Variants in B3GALT5 observed in about 807,000 individuals in gnomAD.
The protein encoded by B3GALT5 is UDP-Gal:betaGlcNAc beta 1,3-galactosyltransferase, polypeptide 5.
For synonymous variants in B3GALT5, 156 were observed against 158.6 expected, an observed-to-expected ratio of 0.98 and a Z score of 0.12; for missense variants, 328 against 396.6, an observed-to-expected ratio of 0.83 and a Z score of 1.47.
chr21:39,660,586 G>A lies in B3GALT5; in HGVS notation c.27G>A (p.Met9Ile), dbSNP rs199571077. 33 of 1,433,336 alleles carry A rather than the reference G, an allele frequency of 2.3e-5. No homozygotes were observed. In the South Asian group the frequency reaches 3.1e-4, roughly 14 times the overall value. 88.8% of individuals were successfully genotyped at this position (1,433,336 alleles called of 1,614,324 possible). A position where few individuals can be genotyped will look rare whatever the true frequency, so the allele number is the denominator to read the frequency against. The change falls in exon 4 of 4, where the codon ATG becomes ATA. Residue 9 changes from methionine (M) to isoleucine (I), a missense_variant. By Grantham distance (10) the Met-to-Ile change is conservative. Coordinates refer to ENST00000684187, the MANE Select transcript of B3GALT5 (RefSeq NM_001356336.2). The stretch of plus-strand genomic sequence containing the variant: ...TGGCTTTCCCGAAGATGAGATTGAT[G>A]TATATTTGCCTTCTGGTTCTGGGGG... MAFPKMRL[M>I]YICLLVLGAL...
intron 2 of B3GALT5, among the ~76,000 whole-genome samples, chr21:39,655,104 C>T (rs2079429748): frequency 6.6e-6 from 1 of 152,172 alleles, no homozygotes; most frequent in Non-Finnish European, 1.5e-5. Context: ...AAGTTGGAGA[C>T]CCATGAGAGT....
At chr21:39,652,287 C>T (rs768144599) in intron 2 of B3GALT5, among the ~76,000 whole-genome samples, 2 of 152,220 alleles carry the variant, frequency 1.3e-5, no homozygotes, top group Non-Finnish European at 2.9e-5. Flanking sequence ...GGAAAGTGTA[C>T]ACCCTGTTTG....
chr21:39,658,371 G>A (rs181844149), intron 2 of B3GALT5, among the ~76,000 whole-genome samples: 2 of 152,206 alleles, frequency 1.3e-5, no homozygotes, highest in African/African-American at 4.8e-5. Context: ...CTGAGGAGAG[G>A]CACATCAGAG....
chr21:39,639,692 C>G (rs1284503855), intron 1 of B3GALT5, among the ~76,000 whole-genome samples: 1 of 151,744 alleles, frequency 6.6e-6, no homozygotes, highest in Non-Finnish European at 1.5e-5. Flanking sequence ...ATTGGTCAGG[C>G]TGGTCTTGAA....
chr21:39,623,772 A>G (rs572220540), intron 1 of B3GALT5, among the ~76,000 whole-genome samples: 1 of 152,248 alleles, frequency 6.6e-6, no homozygotes, highest in Non-Finnish European at 1.5e-5. Flanking sequence ...GATGTGGAAG[A>G]TAGGTTTATC....
chr21:39,659,802 C>T lies in B3GALT5; in HGVS notation c.-111C>T, dbSNP rs2079492169. 4 of 984,802 alleles carry T rather than the reference C, an allele frequency of 4.1e-6. No individual in the cohort carries two copies. In the South Asian group the frequency reaches 1.4e-4, roughly 35 times the overall value. The allele number at this position is 984,802 out of a possible 1,614,324, so 61.0% of individuals were successfully genotyped here. A position where few individuals can be genotyped will look rare whatever the true frequency, so the allele number is the denominator to read the frequency against. ...TTGGTAAACAAACCAAGCCCAGAAC[C>T]TGATAATTATGGAGCATTCTACACT... On this transcript the variant is annotated 5_prime_UTR_variant, in exon 3 of 4. Transcript: ENST00000684187.
intron 1 of B3GALT5, among the ~76,000 whole-genome samples, chr21:39,628,461 G>A (rs549576659): frequency 6.6e-6 from 1 of 152,160 alleles, no homozygotes; most frequent in African/African-American, 2.4e-5. Flanking sequence ...GTGTGCACAC[G>A]TTTTAGCACC....
At chr21:39,636,695 T>C (rs1182691936) in intron 1 of B3GALT5, among the ~76,000 whole-genome samples, 2 of 152,040 alleles carry the variant, frequency 1.3e-5, no homozygotes, top group African/African-American at 4.8e-5. Flanking sequence ...CTGTACAGGA[T>C]TGCAGGATCC....
chr21:39,633,844 G>A (rs1320362431), intron 1 of B3GALT5, among the ~76,000 whole-genome samples: 2 of 152,210 alleles, frequency 1.3e-5, no homozygotes, highest in African/African-American at 4.8e-5. Flanking sequence ...TCATTATTGA[G>A]TAACTTATTT....
intron 2 of B3GALT5, chr21:39,657,911 C>A: frequency 8.1e-7 from 1 of 1,231,508 alleles, no homozygotes; most frequent in Non-Finnish European, 1.0e-6. Flanking sequence ...TTCTGTAGCA[C>A]AGATAGTGCC....
intron 1 of B3GALT5, among the ~76,000 whole-genome samples, chr21:39,639,347 T>TTTCTTTCTTTCTTTCTTTTTTTCCTTCC (rs762994044): frequency 1.9e-4 from 13 of 66,736 alleles, no homozygotes; most frequent in Non-Finnish European, 2.3e-4. Flanking sequence ...TCTTTCTTTC[T>TTTCTTTCTTTCTTTCTTTTTTTCCTTCC]TTCCTTCCTT....
In B3GALT5 at chr21:39,665,054, T is replaced by G. The variant is rs1490675519; in HGVS notation, c.*3562T>G. 2 of 152,272 alleles carry G rather than the reference T, an allele frequency of 1.3e-5. No individual in the cohort carries two copies. Among genetic ancestry groups the G allele is most frequent in the East Asian group, 3.9e-4 (2 of 5,174 alleles). The allele number at this position is 152,272 out of a possible 1,614,324, so 9.4% of individuals were successfully genotyped here. A position where few individuals can be genotyped will look rare whatever the true frequency, so the allele number is the denominator to read the frequency against. ...GCTCTTCAATCCACTGCCTACCTGA[T>G]TTCCCATAGTGAACAATCCAACACT... is the stretch of plus-strand genomic sequence containing the variant. On this transcript the variant is annotated 3_prime_UTR_variant, in exon 4 of 4. Coordinates refer to ENST00000684187, the MANE Select transcript of B3GALT5 (RefSeq NM_001356336.2).
chr21:39,616,358 C>T (rs1036505917), intron 1 of B3GALT5, among the ~76,000 whole-genome samples: 3 of 152,168 alleles, frequency 2.0e-5, no homozygotes, highest in Non-Finnish European at 2.9e-5. Flanking sequence ...TTTTTAATCT[C>T]GTTCCGTCTC....
In B3GALT5 at chr21:39,644,714, A is replaced by T. The variant is rs966497948; in HGVS notation, c.-391-1678A>T. On this transcript the variant is annotated intron_variant, in intron 1 of 3. Transcript: ENST00000684187. ...ATTTATTAAACTCCTACTGTGTGCC[A>T]TGAATGCTTTCATTTAATTCTCACA... is the stretch of plus-strand genomic sequence containing the variant. Among the ~76,000 whole-genome samples, 3 of 152,348 alleles carry T rather than the reference A, an allele frequency of 2.0e-5. No homozygotes were observed. In the East Asian group the frequency reaches 5.8e-4, roughly 29 times the overall value.
intron 1 of B3GALT5, among the ~76,000 whole-genome samples, chr21:39,626,292 G>A (rs770044812): frequency 2.4e-4 from 36 of 152,304 alleles, no homozygotes; most frequent in Non-Finnish European, 4.1e-4. Context: ...ATTTCACTGT[G>A]TGTATATATA....
At position 39,659,862 on chromosome 21, in the gene B3GALT5, T is replaced by C. The variant is rs1203317779; in HGVS notation, c.-51T>C. The C allele has an allele frequency of 4.1e-6, 4 of 985,268 alleles. No individual in the cohort carries two copies. Among genetic ancestry groups the C allele is most frequent in the Non-Finnish European group, 4.8e-6 (4 of 829,932 alleles). The allele number at this position is 985,268 out of a possible 1,614,324, so 61.0% of individuals were successfully genotyped here. ...TTGAGACAAATTTCCTCTTGGCATTTACACTGTGGCTTTAGCTTTCAAACC... is the reference window on the plus strand; with the variant it reads ...TTGAGACAAATTTCCTCTTGGCATTCACACTGTGGCTTTAGCTTTCAAACC... On this transcript the variant is annotated 5_prime_UTR_variant, in exon 3 of 4. Coordinates refer to ENST00000684187, the MANE Select transcript of B3GALT5 (RefSeq NM_001356336.2).
Position 39,660,903 on chromosome 21 carries a change from G to T in B3GALT5, c.344G>T (p.Arg115Leu), listed in dbSNP as rs371497510. The T allele has an allele frequency of 1.9e-6, 3 of 1,610,892 alleles. No individual in the cohort carries two copies. The highest frequency in any genetic ancestry group is 1.7e-5 in the Admixed American group (1 of 59,568). ...AAAGAGGTGGACCAGGAGAGCCAGC[G>T]ACACGGGGACATTATCCAGAAGGAT... ...ETKEVDQESQRHGDIIQKDFL... is the reference protein window; with the variant it reads ...ETKEVDQESQLHGDIIQKDFL... Residue 115 changes from arginine (R) to leucine (L), a missense_variant, in exon 4 of 4, where the codon CGA becomes CTA. Arg to Leu is a moderately radical substitution (Grantham distance 102). Transcript: ENST00000684187.
chr21:39,630,092 C>T (rs2079183660), intron 1 of B3GALT5, among the ~76,000 whole-genome samples: 1 of 152,122 alleles, frequency 6.6e-6, no homozygotes, highest in African/African-American at 2.4e-5. Flanking sequence ...CTAGCGTATT[C>T]TCTAACAACC....
At chr21:39,631,802 G>T (rs1400474471) in intron 1 of B3GALT5, among the ~76,000 whole-genome samples, 1 of 152,178 alleles carries the variant, frequency 6.6e-6, no homozygotes, top group Non-Finnish European at 1.5e-5. Flanking sequence ...TATGCACGAG[G>T]AATAGTGCTG....
Sources: gnomAD v4.1 joint callset for allele counts (sites outside exome capture counted in the v4.1 genomes callset) on GRCh38, gnomAD v4.1.1 for gene constraint, MANE v1.5 for transcripts, NCBI Gene and HGNC (gene_info 2026-07-23, HGNC 2026-07-21) for gene names.